XPNPEP1: variants seen among roughly 807,000 people sequenced by gnomAD.
The protein encoded by XPNPEP1 is xaa-Pro aminopeptidase 1.
XPNPEP1 carries 39 observed loss-of-function variants against 92.4 expected under a neutral mutation model. The ratio of observed to expected loss-of-function variants is 0.42; its 90% CI spans 0.33 to 0.55. XPNPEP1 has a LOEUF of 0.55. Ranked by LOEUF, XPNPEP1 falls within the 20% of genes least tolerant of loss-of-function variation. The pLI is 0.08. For missense variants in XPNPEP1, 654 were observed against 856.1 expected, an observed-to-expected ratio of 0.76 and a Z score of 2.95; for synonymous variants, 307 against 299.4, an observed-to-expected ratio of 1.03 and a Z score of -0.26.
At chr10:109,890,209 G>T (rs547172705) in intron 5 of XPNPEP1, among the ~76,000 whole-genome samples, 337 of 152,270 alleles carry the variant, frequency 2.2e-3, no homozygotes, top group Non-Finnish European at 4.3e-3. Context: ...GAACAGGCAG[G>T]CAGTGTTTGC....
At chr10:109,873,840 T>G (rs1349428272) in intron 15 of XPNPEP1, among the ~76,000 whole-genome samples, 1 of 152,196 alleles carries the variant, frequency 6.6e-6, no homozygotes, top group African/African-American at 2.4e-5. Context: ...GCAACATGGA[T>G]GAACCTGGAA....
chr10:109,886,057 TC>T (rs1848370227), intron 8 of XPNPEP1, among the ~76,000 whole-genome samples, 188 bp downstream of exon 8: 1 of 152,144 alleles, frequency 6.6e-6, no homozygotes, highest in Non-Finnish European at 1.5e-5. Context: ...CAAGCCTCAC[TC>T]CCCTCCCCAG....
intron 4 of XPNPEP1, 89 bp downstream of exon 4, chr10:109,892,923 G>T: frequency 2.2e-6 from 3 of 1,345,710 alleles, no homozygotes; most frequent in Admixed American, 2.0e-5. Flanking sequence ...TTTTCTTTTT[G>T]CTTCTATATC....
chr10:109,882,755 C>T (rs1848177188), intron 9 of XPNPEP1, 113 bp from the exon 10 acceptor site: 3 of 1,080,914 alleles, frequency 2.8e-6, no homozygotes, highest in Non-Finnish European at 4.0e-6. Flanking sequence ...AAACCAAGCC[C>T]CTTTTCTCTC....
chr10:109,895,446 A>T (rs1031536809), intron 3 of XPNPEP1, among the ~76,000 whole-genome samples: 1 of 152,272 alleles, frequency 6.6e-6, no homozygotes, highest in Non-Finnish European at 1.5e-5. Flanking sequence ...TGGAATTAAC[A>T]GCAAATGGAC....
Position 109,865,147 on chromosome 10 carries a change from A to G in XPNPEP1, c.*37T>C, listed in dbSNP as rs1213744433. 6.2e-7 allele frequency: 1 copy of G among 1,613,250 alleles called. No homozygotes were observed. On this transcript the variant is annotated 3_prime_UTR_variant, in exon 21 of 21. Transcript: ENST00000502935. Reference sequence around the variant, plus strand: ...ATCTGCCACGTTTCTTCCTTCCTCCAGAGCATTTTACAAAAACAAAACCGG... The same window carrying G: ...ATCTGCCACGTTTCTTCCTTCCTCCGGAGCATTTTACAAAAACAAAACCGG...
At chr10:109,905,937 C>A (rs187514603) in intron 3 of XPNPEP1, among the ~76,000 whole-genome samples, 1 of 152,184 alleles carries the variant, frequency 6.6e-6, no homozygotes, top group Non-Finnish European at 1.5e-5. Flanking sequence ...TTCATTTGCT[C>A]CTAAGGCCAG....
chr10:109,888,008 C>A, intron 7 of XPNPEP1, 41 bp downstream of exon 7: 1 of 1,607,390 alleles, frequency 6.2e-7, no homozygotes. Flanking sequence ...GGTGGGGGGA[C>A]AATGGCAGGG....
intron 3 of XPNPEP1, among the ~76,000 whole-genome samples, chr10:109,897,157 C>T (rs1428200278): frequency 3.3e-5 from 5 of 151,936 alleles, no homozygotes; most frequent in Admixed American, 2.0e-4. Flanking sequence ...TTCAATATTT[C>T]AGAAGAAGCC....
intron 5 of XPNPEP1, 162 bp downstream of exon 5, chr10:109,891,560 C>G (rs776753663): frequency 1.4e-4 from 73 of 513,500 alleles, no homozygotes; most frequent in Middle Eastern, 5.1e-4. Flanking sequence ...CACATTGGTA[C>G]GTATGTATAG....
Position 109,884,224 on chromosome 10 carries a change from G to A in XPNPEP1, c.749-76C>T, listed in dbSNP as rs145882119. On this transcript the variant is annotated intron_variant, in intron 8 of 20. Coordinates refer to ENST00000502935, the MANE Select transcript of XPNPEP1 (RefSeq NM_020383.4). ...GGGTCGCTTGTAGCGGGAGGGAAGAGCTTCAGCTTGGAGTCCAGCTGCTGC... is the reference window on the plus strand; with the variant it reads ...GGGTCGCTTGTAGCGGGAGGGAAGAACTTCAGCTTGGAGTCCAGCTGCTGC... 1.2e-3 allele frequency: 1,768 copies of A among 1,419,744 alleles called. 21 individuals are homozygous for A. The Admixed American group carries it at 0.022, about 18-fold the overall frequency. The allele number at this position is 1,419,744 out of a possible 1,614,324, so 87.9% of individuals were successfully genotyped here. A position where few individuals can be genotyped will look rare whatever the true frequency, so the allele number is the denominator to read the frequency against.
intron 20 of XPNPEP1, among the ~76,000 whole-genome samples, chr10:109,866,788 A>C (rs1025897081): frequency 1.3e-5 from 2 of 152,264 alleles, no homozygotes; most frequent in Non-Finnish European, 2.9e-5. Context: ...TTTAAAAGCC[A>C]GATATTTTAA....
At chr10:109,873,559 T>C in intron 15 of XPNPEP1, 132 bp from the exon 16 acceptor site, 1 of 1,030,902 alleles carries the variant, frequency 9.7e-7, no homozygotes, top group Non-Finnish European at 1.5e-6. Flanking sequence ...CAGCCATCTT[T>C]GCAAATAGTT....
intron 20 of XPNPEP1, among the ~76,000 whole-genome samples, chr10:109,865,559 T>C (rs571841184): frequency 5.6e-4 from 86 of 152,300 alleles, no homozygotes; most frequent in Admixed American, 1.7e-3. Flanking sequence ...TAGACAGCAG[T>C]CTCTAAGCCA....
chr10:109,880,760 G>A (rs1848047088), intron 11 of XPNPEP1, 82 bp downstream of exon 11: 1 of 1,375,258 alleles, frequency 7.3e-7, no homozygotes, highest in Admixed American at 2.0e-5. Flanking sequence ...CTTGTGCCAG[G>A]CTCAATGCCA....
intron 12 of XPNPEP1, among the ~76,000 whole-genome samples, chr10:109,879,767 C>T (rs2133390256): frequency 6.6e-6 from 1 of 151,888 alleles, no homozygotes; most frequent in East Asian, 1.9e-4. Context: ...CTCTTGTCAA[C>T]TAGAGCAAGA....
At chr10:109,900,629 C>A (rs1273362980) in intron 3 of XPNPEP1, among the ~76,000 whole-genome samples, 1 of 152,294 alleles carries the variant, frequency 6.6e-6, no homozygotes, top group South Asian at 2.1e-4. Context: ...CCGCTCCTAA[C>A]CCCAGTACCC....
rs2133341300 is a variant in XPNPEP1, at chr10:109,867,554, G to T, written c.1872+1060C>A. ...CTGTGAACTGGAACAGGCAGAAGAG[G>T]CTTCTAGCTGGGAGAATCCCATTCC... On this transcript the variant is annotated intron_variant, in intron 20 of 20. Transcript: ENST00000502935. This position sits in a 1 kb window ranked among gnomAD's most constrained non-coding sequence, Gnocchi z 4.5. Among the ~76,000 whole-genome samples the T allele has an allele frequency of 1.3e-5, 2 of 152,312 alleles. No individual in the cohort carries two copies. Among genetic ancestry groups the T allele is most frequent in the African/African-American group, 4.8e-5 (2 of 41,570 alleles).
intron 3 of XPNPEP1, among the ~76,000 whole-genome samples, chr10:109,904,788 T>C (rs1029010795): frequency 1.3e-5 from 2 of 152,126 alleles, no homozygotes; most frequent in African/African-American, 4.8e-5. Flanking sequence ...GTGGAAGAAC[T>C]GGAATGCTGT....
Sources: allele counts gnomAD v4.1 joint callset (sites outside exome capture counted in the v4.1 genomes callset), GRCh38; gene constraint gnomAD v4.1.1; non-coding constraint Gnocchi (gnomAD v3.1); transcripts MANE v1.5; gene names NCBI Gene and HGNC (gene_info 2026-07-23, HGNC 2026-07-21).